Variants in DPP10 observed in about 807,000 individuals in gnomAD.
The protein encoded by DPP10 is dipeptidyl peptidase like 10.
A neutral mutation model predicts 120.9 loss-of-function variants in DPP10; 33 were observed. The observed-to-expected ratio is 0.27, with a 90% CI of 0.21 to 0.37. The LOEUF is 0.37. Among genes scored for constraint, DPP10 ranks in the 10% least tolerant of loss-of-function variants. The pLI is 1.00. For synonymous variants in DPP10, 337 were observed against 326.1 expected, an observed-to-expected ratio of 1.03 and a Z score of -0.36; for missense variants, 816 against 942.8, an observed-to-expected ratio of 0.87 and a Z score of 1.76.
At chr2:114,852,379 C>G (rs1197199225) in intron 1 of DPP10, among the ~76,000 whole-genome samples, 1 of 151,688 alleles carries the variant, frequency 6.6e-6, no homozygotes, top group Non-Finnish European at 1.5e-5. Flanking sequence ...CAACCACAGA[C>G]AGAGGGAAAA....
At chr2:115,075,705 CTT>C (rs202184549) in intron 1 of DPP10, among the ~76,000 whole-genome samples, 12 of 143,154 alleles carry the variant, frequency 8.4e-5, no homozygotes, top group Non-Finnish European at 7.6e-5. Flanking sequence ...CAATGGTGAA[CTT>C]TTTTTTTTTT....
In DPP10 at chr2:115,746,310, T is replaced by C; in HGVS notation, c.950+127T>C. On this transcript the variant is annotated intron_variant, in intron 10 of 25. Transcript: ENST00000410059. The stretch of plus-strand genomic sequence containing the variant: ...ACTTGAAAATAAAGCTGAAGTTGCC[T>C]ACATTAGTGAGGAATGAAGTCATTC... 3 of 831,552 alleles carry C rather than the reference T, an allele frequency of 3.6e-6. No homozygotes were observed. The South Asian group carries it at 4.6e-5, about 13-fold the overall frequency. The allele number at this position is 831,552 out of a possible 1,614,324, so 51.5% of individuals were successfully genotyped here. A position where few individuals can be genotyped will look rare whatever the true frequency, so the allele number is the denominator to read the frequency against.
intron 1 of DPP10, among the ~76,000 whole-genome samples, chr2:114,665,862 G>A (rs1228931345): frequency 6.6e-6 from 1 of 152,140 alleles, no homozygotes; most frequent in Admixed American, 6.5e-5. Flanking sequence ...GGAAAACAAG[G>A]TCTGGGATGG....
At chr2:114,574,468 C>G (rs927701983) in intron 1 of DPP10, among the ~76,000 whole-genome samples, 4 of 152,154 alleles carry the variant, frequency 2.6e-5, no homozygotes, top group Admixed American at 6.5e-5. Flanking sequence ...TGTGGACAGG[C>G]CTGCTTGGAG....
At chr2:115,776,874 T>A (rs80159359) in intron 13 of DPP10, among the ~76,000 whole-genome samples, 1 of 136,426 alleles carries the variant, frequency 7.3e-6, no homozygotes, top group Admixed American at 7.4e-5. Context: ...TTTTTTTTTT[T>A]AAAGCTAACT....
At chr2:115,091,516 C>T (rs1202583407) in intron 1 of DPP10, among the ~76,000 whole-genome samples, 5 of 152,064 alleles carry the variant, frequency 3.3e-5, no homozygotes, top group African/African-American at 1.2e-4. Context: ...AAAAGTTACA[C>T]TCTCCTCGCC....
chr2:114,589,981 C>T (rs868571887), intron 1 of DPP10, among the ~76,000 whole-genome samples: 2 of 151,856 alleles, frequency 1.3e-5, no homozygotes, highest in African/African-American at 4.8e-5. Flanking sequence ...AGATATGACC[C>T]TAATTCTTTA....
intron 1 of DPP10, among the ~76,000 whole-genome samples, chr2:114,983,212 G>C (rs115147997): frequency 6.6e-6 from 1 of 151,962 alleles, no homozygotes; most frequent in African/African-American, 2.4e-5. Context: ...TTTAAATCAG[G>C]GTTATCAGAA....
At chr2:115,367,927 A>G (rs1182581862) in intron 3 of DPP10, among the ~76,000 whole-genome samples, 1 of 152,104 alleles carries the variant, frequency 6.6e-6, no homozygotes, top group Non-Finnish European at 1.5e-5. Flanking sequence ...CTAATTGAAA[A>G]CAGTTTAGGA....
intron 1 of DPP10, among the ~76,000 whole-genome samples, chr2:115,172,856 C>T (rs1315698243): frequency 6.6e-6 from 1 of 152,146 alleles, no homozygotes; most frequent in Admixed American, 6.5e-5. Flanking sequence ...AGCTTTAAAG[C>T]ACCTTTTGTC....
chr2:115,621,716 C>T (rs765695425), intron 5 of DPP10, among the ~76,000 whole-genome samples: 40 of 152,048 alleles, frequency 2.6e-4, no homozygotes, highest in Non-Finnish European at 4.7e-4. Flanking sequence ...TTTCGCTCTT[C>T]GTGCCCAGGC....
chr2:114,623,327 A>C (rs188008631), intron 1 of DPP10, among the ~76,000 whole-genome samples: 1 of 152,156 alleles, frequency 6.6e-6, no homozygotes, highest in East Asian at 1.9e-4. Flanking sequence ...AGAAACGGTC[A>C]ATGTTTTATG....
At chr2:114,963,059 A>T (rs1698762731) in intron 1 of DPP10, among the ~76,000 whole-genome samples, 1 of 152,232 alleles carries the variant, frequency 6.6e-6, no homozygotes, top group Admixed American at 6.5e-5. Context: ...CAATCACAGC[A>T]TTTAAAAATA....
intron 3 of DPP10, among the ~76,000 whole-genome samples, chr2:115,409,304 A>C (rs1469122651): frequency 6.6e-6 from 1 of 152,194 alleles, no homozygotes; most frequent in Non-Finnish European, 1.5e-5. Context: ...TATATCAAAA[A>C]AATGAATTAT....
chr2:115,808,797 G>A (rs774952056), intron 19 of DPP10, among the ~76,000 whole-genome samples: 13 of 152,202 alleles, frequency 8.5e-5, no homozygotes, highest in Non-Finnish European at 1.5e-4. Context: ...GTGATTTGGA[G>A]GTTAGTACAA....
chr2:115,452,127 CTCT>C (rs151018254), intron 3 of DPP10, among the ~76,000 whole-genome samples: 143 of 151,988 alleles, frequency 9.4e-4, no homozygotes, highest in African/African-American at 3.2e-3. Flanking sequence ...TTTCTCATTA[CTCT>C]TCTTCTTCTT....
chr2:114,618,566 G>A (rs1693848196), intron 1 of DPP10, among the ~76,000 whole-genome samples: 1 of 152,032 alleles, frequency 6.6e-6, no homozygotes, highest in South Asian at 2.1e-4. Flanking sequence ...TTGGTGTGGG[G>A]AGGCGGTGCT....
Position 115,544,080 on chromosome 2 carries a change from C to T in DPP10, c.441+18108C>T, listed in dbSNP as rs533011366. ...AATCCTGAAGAAACACTGACTCTCA[C>T]ATGCTTATTTTCTTCCTGAAAATGT... On this transcript the variant is annotated intron_variant, in intron 5 of 25. Coordinates refer to ENST00000410059, the MANE Select transcript of DPP10 (RefSeq NM_020868.6). Among the ~76,000 whole-genome samples the T allele has an allele frequency of 3.6e-4, 55 of 150,692 alleles. No homozygotes were observed. The South Asian group carries it at 0.012, about 32-fold the overall frequency.
intron 1 of DPP10, among the ~76,000 whole-genome samples, chr2:114,546,542 G>T (rs139518809): frequency 1.3e-4 from 20 of 152,274 alleles, no homozygotes; most frequent in African/African-American, 4.8e-4. Flanking sequence ...AAACACCCTC[G>T]CTGGTCAATC....
Sources: gnomAD v4.1 joint callset for allele counts (sites outside exome capture counted in the v4.1 genomes callset) on GRCh38, gnomAD v4.1.1 for gene constraint, MANE v1.5 for transcripts, NCBI Gene and HGNC (gene_info 2026-07-23, HGNC 2026-07-21) for gene names.